The following HSPG2 variants were observed in gnomAD, a reference collection of about 807,000 sequenced individuals.
HSPG2 encodes basement membrane-specific heparan sulfate proteoglycan core protein.
Under a neutral mutation model 526.6 loss-of-function variants are expected in HSPG2, and 278 were observed. That is an observed-to-expected ratio of 0.53 (90% CI 0.48 to 0.58). HSPG2 has a LOEUF of 0.58. Ranked by LOEUF, HSPG2 falls within the 20% of genes least tolerant of loss-of-function variation. The pLI, the probability that HSPG2 is intolerant of heterozygous loss-of-function variation, is 0.00. For synonymous variants in HSPG2, 2,465 were observed against 2,555.4 expected (o/e 0.96, Z 1.07); for missense variants, 5,354 against 6,099.5 (o/e 0.88, Z 4.07).
chr1:21,908,563 T>G, intron 1 of HSPG2: 1 of 819,314 alleles, frequency 1.2e-6, no homozygotes, highest in Non-Finnish European at 2.1e-6. Context: ...ACCTATTCTC[T>G]ATGAATTCAC....
At chr1:21,870,927 C>CA (rs1640595793) in intron 33 of HSPG2, 2 of 964,062 alleles carry the variant, frequency 2.1e-6, no homozygotes, top group Non-Finnish European at 2.5e-6. Context: ...CTGAGAATTG[C>CA]AGGACAGGGC....
At chr1:21,862,921 A>C (rs147700966) in intron 37 of HSPG2, among the ~76,000 whole-genome samples, 32 of 151,958 alleles carry the variant, frequency 2.1e-4, no homozygotes, top group African/African-American at 7.2e-4. Flanking sequence ...TTCGCCAGGC[A>C]TGGTGGCAGG....
chr1:21,907,350 T>A (rs989931560), intron 1 of HSPG2, among the ~76,000 whole-genome samples: 1 of 152,124 alleles, frequency 6.6e-6, no homozygotes, highest in Non-Finnish European at 1.5e-5. Flanking sequence ...CCCAACCAGC[T>A]CTGCTCGCTG....
At chr1:21,853,400 G>A (rs566564090) in intron 50 of HSPG2, among the ~76,000 whole-genome samples, 8 of 152,300 alleles carry the variant, frequency 5.3e-5, no homozygotes, top group African/African-American at 1.7e-4. Flanking sequence ...TCTACAGGAC[G>A]TCTTCCGTGT....
Position 21,835,625 on chromosome 1 carries a change from C to T in HSPG2, c.10368G>A (p.Leu3456=). The change falls in exon 76 of 97, where the codon TTG becomes TTA. Residue 3456 remains leucine, a synonymous_variant. Coordinates refer to ENST00000374695, the MANE Select transcript of HSPG2 (RefSeq NM_005529.7). ...VQDGVLRIQN[L]DQSCQGTYIC... ...TATACGTCCCTTGGCAGCTCTGGTC[C>T]AAGTTCTGGATTCTATAAAGAAAAA... is the stretch of plus-strand genomic sequence containing the variant. 2 of 1,613,272 alleles carry T rather than the reference C, an allele frequency of 1.2e-6. No homozygotes were observed. The highest frequency in any genetic ancestry group is 2.2e-5 in the South Asian group (2 of 91,052).
rs113846102 is a variant in HSPG2 at position 21,916,104 on chromosome 1, C to T, written c.64-19794G>A. On this transcript the variant is annotated intron_variant, in intron 1 of 96. Coordinates refer to ENST00000374695, the MANE Select transcript of HSPG2 (RefSeq NM_005529.7). ...AAAAAAGGCCTGGCACGGTGACTCACGCCTGTAATCCCAGCACTTTGGGAG... is the reference window on the plus strand; with the variant it reads ...AAAAAAGGCCTGGCACGGTGACTCATGCCTGTAATCCCAGCACTTTGGGAG... 5.6e-3 allele frequency among the ~76,000 whole-genome samples: 845 copies of T among 150,534 alleles called. 10 individuals are homozygous for T. Among genetic ancestry groups the T allele is most frequent in the African/African-American group, 0.019 (787 of 41,080 alleles).
rs771933999 is a variant in HSPG2, at chr1:21,847,703, G to A, written c.8011C>T (p.Pro2671Ser). The change falls in exon 61 of 97, where the codon CCC becomes TCC. Residue 2671 changes from proline to serine, a missense_variant. By Grantham distance (74) the Pro-to-Ser change is moderately conservative. Coordinates refer to ENST00000374695, the MANE Select transcript of HSPG2 (RefSeq NM_005529.7). The surrounding 1 kb of genome is among the most constrained non-coding windows in gnomAD (Gnocchi z 4.1). ...ITWYKRGGSL[P>S]SRHQTHGSHL... is the part of the protein sequence containing the mutation. ...CCACTCTGTACCTGGTGTCGGGAGG[G>A]AAGGCTGCCCCCACGCTTGTACCAT... The A allele has an allele frequency of 1.7e-5, 28 of 1,609,244 alleles. No homozygotes were observed. Among genetic ancestry groups the A allele is most frequent in the Non-Finnish European group, 2.4e-5 (28 of 1,178,102 alleles).
rs767431377 is a variant in HSPG2, at chr1:21,823,333, G to A, written c.13159C>T (p.Arg4387Cys). The change falls in exon 97 of 97, where the codon CGC becomes TGC. Residue 4387 changes from arginine to cysteine, a missense_variant. Physicochemically the swap from Arg to Cys is radical, Grantham distance 180. Transcript: ENST00000374695. ...GCAGGTGCCTACGAGGGGCAGGGGCGTGTGTTGGCCCCGGCCTGGGCGCGG... is the reference window on the plus strand; with the variant it reads ...GCAGGTGCCTACGAGGGGCAGGGGCATGTGTTGGCCCCGGCCTGGGCGCGG... Reference protein sequence around the residue: ...QHRAQAGANTRPCPS With the variant: ...QHRAQAGANTCPCPS 3.3e-5 allele frequency: 51 copies of A among 1,541,150 alleles called. No individual in the cohort carries two copies. The highest frequency in any genetic ancestry group is 3.9e-5 in the Admixed American group (2 of 51,172).
At position 21,875,950 on chromosome 1, in the gene HSPG2, C is replaced by T. The variant is rs757279482; in HGVS notation, c.3096G>A (p.Leu1032=). 1 of 1,614,226 alleles carries T rather than the reference C, an allele frequency of 6.2e-7. No individual in the cohort carries two copies. The highest frequency in any genetic ancestry group is 8.5e-7 in the Non-Finnish European group (1 of 1,180,034). ...GCTCTAGGATGATGTTGTTACCTTG[C>T]AGCACCACCAACGGCTGCCCGTGCA... The part of the protein sequence containing the change: ...TPLHGQPLVV[L]QGNNIILEHH... The change falls in exon 24 of 97, where the codon CTG becomes CTA. Residue 1032 remains leucine, a synonymous_variant. Transcript: ENST00000374695.
At chr1:21,852,559 G>A in intron 52 of HSPG2, 141 bp downstream of exon 52, 2 of 1,173,050 alleles carry the variant, frequency 1.7e-6, no homozygotes, top group East Asian at 2.3e-5. Context: ...ACTCTGACAG[G>A]TGGAGTCGGC....
At chr1:21,850,284 C>T in intron 56 of HSPG2, 79 bp downstream of exon 56, 1 of 1,608,980 alleles carries the variant, frequency 6.2e-7, no homozygotes, top group East Asian at 2.2e-5. Flanking sequence ...TGCGGCTTGG[C>T]CTCCTGATCC....
At chr1:21,933,230 AAAAG>A (rs1326324540) in intron 1 of HSPG2, among the ~76,000 whole-genome samples, 3 of 151,894 alleles carry the variant, frequency 2.0e-5, no homozygotes, top group African/African-American at 7.3e-5. Flanking sequence ...AAAAAAAAAA[AAAAG>A]AAAAGAAAAA....
chr1:21,935,810 T>C (rs1644473974), intron 1 of HSPG2, among the ~76,000 whole-genome samples: 1 of 152,084 alleles, frequency 6.6e-6, no homozygotes, highest in South Asian at 2.1e-4. Flanking sequence ...AGGTCAAGAC[T>C]AGGGAGCTAC....
chr1:21,875,493 G>A, intron 25 of HSPG2, 136 bp downstream of exon 25: 1 of 744,616 alleles, frequency 1.3e-6, no homozygotes, highest in Non-Finnish European at 2.4e-6. Flanking sequence ...ACATTGTTAA[G>A]ACTCTCCGTT....
At chr1:21,933,167 CTG>C (rs950931335) in intron 1 of HSPG2, among the ~76,000 whole-genome samples, 1 of 150,916 alleles carries the variant, frequency 6.6e-6, no homozygotes, top group African/African-American at 2.4e-5. Flanking sequence ...CAGCGGTGAG[CTG>C]TGATTGTGCC....
At chr1:21,835,396 C>T (rs1258205126) in intron 76 of HSPG2, 144 bp downstream of exon 76, 6 of 702,702 alleles carry the variant, frequency 8.5e-6, no homozygotes, top group Non-Finnish European at 1.5e-5. Context: ...CTATGCTAGA[C>T]ACAAGCAAGG....
intron 76 of HSPG2, 80 bp downstream of exon 76, chr1:21,835,454 AGGGAAC>A: frequency 1.1e-6 from 1 of 879,894 alleles, no homozygotes; most frequent in Non-Finnish European, 1.9e-6. Context: ...GGGGATTCCT[AGGGAAC>A]AGGGTCTGGG....
chr1:21,912,026 T>G (rs1643709936), intron 1 of HSPG2, among the ~76,000 whole-genome samples: 1 of 152,246 alleles, frequency 6.6e-6, no homozygotes, highest in Admixed American at 6.5e-5. Flanking sequence ...TGCAGAGGTA[T>G]TCAAATCTCT....
Position 21,841,115 on chromosome 1 carries a change from G to T in HSPG2, c.9499C>A (p.His3167Asn). The T allele has an allele frequency of 6.2e-7, 1 of 1,610,740 alleles. No homozygotes were observed. The highest frequency in any genetic ancestry group is 1.1e-5 in the South Asian group (1 of 90,678). ...CCCGGCTTCACCTGCAGCACCGCGTGGCTGTCCATGAGCCCATATGTCCGC... is the reference window on the plus strand; with the variant it reads ...CCCGGCTTCACCTGCAGCACCGCGTTGCTGTCCATGAGCCCATATGTCCGC... ...EQRTYGLMDS[H>N]AVLQISSAKP... The change falls in exon 71 of 97, where the codon CAC becomes AAC. Residue 3167 changes from histidine to asparagine, a missense_variant. Physicochemically the swap from His to Asn is moderately conservative, Grantham distance 68. Coordinates refer to ENST00000374695, the MANE Select transcript of HSPG2 (RefSeq NM_005529.7).
Sources: allele counts gnomAD v4.1 joint callset (sites outside exome capture counted in the v4.1 genomes callset), GRCh38; gene constraint gnomAD v4.1.1; non-coding constraint Gnocchi (gnomAD v3.1); transcripts MANE v1.5; gene names NCBI Gene and HGNC (gene_info 2026-07-23, HGNC 2026-07-21).